Variants in TMTC2 observed in about 807,000 individuals in gnomAD.
The protein encoded by TMTC2 is transmembrane O-mannosyltransferase targeting cadherins 2.
TMTC2 carries 43 observed loss-of-function variants against 82.4 expected under a neutral mutation model. That is an observed-to-expected ratio of 0.52 (90% CI 0.41 to 0.67). The LOEUF is 0.67. Among genes scored for constraint, TMTC2 ranks in the 30% least tolerant of loss-of-function variants. TMTC2 has a pLI of 0.00. For synonymous variants in TMTC2, 408 were observed against 381.9 expected, an observed-to-expected ratio of 1.07 and a Z score of -0.80; for missense variants, 919 against 1,012.4, an observed-to-expected ratio of 0.91 and a Z score of 1.25.
chr12:82,937,344 A>G (rs565058829), intron 4 of TMTC2, among the ~76,000 whole-genome samples: 4 of 152,108 alleles, frequency 2.6e-5, no homozygotes, highest in Admixed American at 1.3e-4. Flanking sequence ...CATAATTCCA[A>G]TCTCTGACTT....
chr12:82,895,942 C>T lies in TMTC2; in HGVS notation c.779C>T (p.Ala260Val). 1 of 1,613,986 alleles carries T rather than the reference C, an allele frequency of 6.2e-7. No individual in the cohort carries two copies. The highest frequency in any genetic ancestry group is 8.5e-7 in the Non-Finnish European group (1 of 1,180,014). Residue 260 changes from alanine to valine, a missense_variant, in exon 3 of 12, where the codon GCT (alanine) becomes GTT (valine). Transcript: ENST00000321196. ...PPSFSNSDNP[A>V]ADSDSLLTRT... ...AGCTTTTCCAACTCGGACAACCCCG[C>T]TGCTGATTCGGACAGCCTCCTCACC...
At chr12:83,004,617 T>C (rs1880071526) in intron 8 of TMTC2, among the ~76,000 whole-genome samples, 1 of 152,004 alleles carries the variant, frequency 6.6e-6, no homozygotes, top group South Asian at 2.1e-4. Flanking sequence ...ATCTATTCAT[T>C]TGGCTTCAAT....
At chr12:83,130,280 C>T (rs1030746163) in intron 11 of TMTC2, among the ~76,000 whole-genome samples, 3 of 152,200 alleles carry the variant, frequency 2.0e-5, no homozygotes, top group African/African-American at 7.2e-5. Context: ...TGTGTCCGAG[C>T]TGCAAGGAAC....
intron 1 of TMTC2, among the ~76,000 whole-genome samples, chr12:82,689,231 G>A (rs1158138581): frequency 6.6e-6 from 1 of 152,194 alleles, no homozygotes; most frequent in Non-Finnish European, 1.5e-5. Flanking sequence ...GCTTGGGTCA[G>A]TGTGGGCAGT....
Position 82,896,031 on chromosome 12 carries a change from C to G in TMTC2, c.868C>G (p.Leu290Val), listed in dbSNP as rs758751237. ...NLWLLLCPDT[L>V]SFDWSMDAVP... ...CTGGCTGTTGCTATGTCCAGATACC[C>G]TCAGTTTTGATTGGTCAATGGATGC... Residue 290 changes from leucine to valine, a missense_variant, in exon 3 of 12, where the codon CTC (leucine) becomes GTC (valine). Coordinates refer to ENST00000321196, the MANE Select transcript of TMTC2 (RefSeq NM_152588.3). The G allele has an allele frequency of 1.2e-6, 2 of 1,613,832 alleles. No individual in the cohort carries two copies. The highest frequency in any genetic ancestry group is 2.7e-5 in the African/African-American group (2 of 74,844).
At chr12:82,836,718 A>G (rs1324050993) in intron 1 of TMTC2, among the ~76,000 whole-genome samples, 6 of 152,218 alleles carry the variant, frequency 3.9e-5, no homozygotes, top group Non-Finnish European at 7.3e-5. Flanking sequence ...AACAATAGGA[A>G]ACTAACACAG....
intron 1 of TMTC2, among the ~76,000 whole-genome samples, chr12:82,751,357 A>G (rs1875992028): frequency 6.7e-6 from 1 of 150,348 alleles, no homozygotes; most frequent in Admixed American, 6.6e-5. Flanking sequence ...TGGACACAGG[A>G]AGGGGAGCAT....
At position 82,711,844 on chromosome 12, in the gene TMTC2, A is replaced by C. The variant is rs149077870; in HGVS notation, c.83+24175A>C. 7.1e-3 allele frequency among the ~76,000 whole-genome samples: 1,083 copies of C among 152,326 alleles called. 9 individuals are homozygous for C. The highest frequency in any genetic ancestry group is 0.024 in the Middle Eastern group (7 of 294). On this transcript the variant is annotated intron_variant, in intron 1 of 11. Coordinates refer to ENST00000321196, the MANE Select transcript of TMTC2 (RefSeq NM_152588.3). ...ATCAGAAGAATGGAAAGCTCAGTTGATTATCATTACACATAGGAGTAAAAG... is the reference window on the plus strand; with the variant it reads ...ATCAGAAGAATGGAAAGCTCAGTTGCTTATCATTACACATAGGAGTAAAAG...
At chr12:82,796,945 G>GAT (rs1878747930) in intron 1 of TMTC2, among the ~76,000 whole-genome samples, 1 of 152,080 alleles carries the variant, frequency 6.6e-6, no homozygotes, top group African/African-American at 2.4e-5. Context: ...CTCATGAATA[G>GAT]ATATAATCAG....
At chr12:82,808,412 T>C (rs1391510138) in intron 1 of TMTC2, among the ~76,000 whole-genome samples, 1 of 152,100 alleles carries the variant, frequency 6.6e-6, no homozygotes, top group African/African-American at 2.4e-5. Context: ...TTTATTGATA[T>C]AGTGCTTTGT....
intron 1 of TMTC2, among the ~76,000 whole-genome samples, chr12:82,810,972 G>A (rs1868364141): frequency 6.6e-6 from 1 of 152,146 alleles, no homozygotes; most frequent in South Asian, 2.1e-4. Context: ...GCTCACGCCT[G>A]TAATCCTAGC....
intron 1 of TMTC2, among the ~76,000 whole-genome samples, chr12:82,797,095 A>G (rs966894630): frequency 1.3e-5 from 2 of 152,148 alleles, no homozygotes; most frequent in Non-Finnish European, 2.9e-5. Context: ...TGTATTGTTC[A>G]TACTTTACAT....
chr12:82,866,886 C>G (rs1215826770), intron 2 of TMTC2, among the ~76,000 whole-genome samples: 1 of 152,090 alleles, frequency 6.6e-6, no homozygotes, highest in Non-Finnish European at 1.5e-5. Flanking sequence ...AAAAAACTGA[C>G]TTATGTCAAA....
intron 11 of TMTC2, among the ~76,000 whole-genome samples, chr12:83,080,838 G>T (rs1883440119): frequency 6.6e-6 from 1 of 152,130 alleles, no homozygotes; most frequent in South Asian, 2.1e-4. Context: ...TTAATTCACA[G>T]ACCCTTGAAT....
chr12:82,821,763 A>G (rs1210853059), intron 1 of TMTC2, among the ~76,000 whole-genome samples: 2 of 151,754 alleles, frequency 1.3e-5, no homozygotes, highest in African/African-American at 4.8e-5. Flanking sequence ...AATCCCAGCT[A>G]CTCGGGAGGC....
chr12:82,812,768 T>C (rs1868471499), intron 1 of TMTC2, among the ~76,000 whole-genome samples: 1 of 152,056 alleles, frequency 6.6e-6, no homozygotes, highest in African/African-American at 2.4e-5. Flanking sequence ...ATGAAAATCT[T>C]GTAAGCTTAT....
rs1210792134 is a variant in TMTC2, at chr12:83,063,767, A to G, written c.2331+1936A>G. On this transcript the variant is annotated intron_variant, in intron 11 of 11. Transcript: ENST00000321196. ...CCAGGTATTACTTTAGGCAGTGGCT[A>G]TACAGCAGTGAACAAAATGGTTAGG... is the stretch of plus-strand genomic sequence containing the variant. 8.6e-5 allele frequency among the ~76,000 whole-genome samples: 13 copies of G among 151,934 alleles called. 1 individual carries two copies.
chr12:82,922,409 A>C (rs1367243391), intron 3 of TMTC2, among the ~76,000 whole-genome samples: 1 of 152,182 alleles, frequency 6.6e-6, no homozygotes, highest in Non-Finnish European at 1.5e-5. Flanking sequence ...TTTATTCCTT[A>C]AGTAGGATAT....
At chr12:83,130,760 G>T (rs2137574129) in intron 11 of TMTC2, among the ~76,000 whole-genome samples, 1 of 152,282 alleles carries the variant, frequency 6.6e-6, no homozygotes, top group South Asian at 2.1e-4. Flanking sequence ...CCTGCATTCT[G>T]CTATGTATAT....
Sources: allele counts gnomAD v4.1 joint callset (sites outside exome capture counted in the v4.1 genomes callset), GRCh38; gene constraint gnomAD v4.1.1; transcripts MANE v1.5; gene names NCBI Gene and HGNC (gene_info 2026-07-23, HGNC 2026-07-21).